The following FAM240C variants were observed in gnomAD, a reference collection of about 807,000 sequenced individuals.
FAM240C encodes protein FAM240C.
In FAM240C, 14 loss-of-function variants were observed where a neutral mutation model predicts 10.0. That is an observed-to-expected ratio of 1.40 (90% confidence interval 0.92 to 2.19). The LOEUF (loss-of-function observed/expected upper bound fraction) is 2.19, where lower values mean the gene tolerates loss of function less well. Ranked by LOEUF, FAM240C falls within the 30% of genes most tolerant of loss-of-function variation. The pLI is 0.00. For missense variants in FAM240C, 154 were observed against 122.3 expected, an observed-to-expected ratio of 1.26 and a Z score of -1.22; for synonymous variants, 49 against 44.3, an observed-to-expected ratio of 1.11 and a Z score of -0.42.
At chr2:241,899,425 C>A in intron 1 of FAM240C, 1 of 801,730 alleles carries the variant, frequency 1.2e-6, no homozygotes, top group Non-Finnish European at 1.5e-6. Flanking sequence ...AGGACGCTGG[C>A]GCGAATTCAG....
At chr2:241,901,786 C>G (rs1448872823), upstream of FAM240C, among the ~76,000 whole-genome samples, 3 of 152,226 alleles carry the variant, frequency 2.0e-5, no homozygotes, top group Non-Finnish European at 4.4e-5. This position sits in a 1 kb window ranked among gnomAD's most constrained non-coding sequence, Gnocchi z 4.9. Context: ...AGAGGCGTCT[C>G]CAGCAGGACT....
chr2:241,901,582 C>T (rs1701984697), upstream of FAM240C, among the ~76,000 whole-genome samples: 1 of 152,144 alleles, frequency 6.6e-6, no homozygotes, highest in Non-Finnish European at 1.5e-5. This position sits in a 1 kb window ranked among gnomAD's most constrained non-coding sequence, Gnocchi z 4.9. Context: ...ATCTGTGGCT[C>T]CCTGCGAACT....
At chr2:241,900,518 G>T (rs780160293), upstream of FAM240C, 93 of 637,714 alleles carry the variant, frequency 1.5e-4, no homozygotes, top group Middle Eastern at 1.2e-3. The surrounding 1 kb of genome is among the most constrained non-coding windows in gnomAD (Gnocchi z 4.5). Flanking sequence ...AGAAAGACGC[G>T]CTGCCCTCTG....
intron 2 of FAM240C, among the ~76,000 whole-genome samples, chr2:241,896,500 GAAGGGGGTGTGGGT>G (rs1701809326): frequency 7.7e-5 from 1 of 12,904 alleles, no homozygotes; most frequent in Non-Finnish European, 2.3e-4. Flanking sequence ...GGGTGTGGGT[GAAGGGGGTGTGGGT>G]GTTGGGGTGT....
At chr2:241,897,381 C>T (rs1191161326) in intron 1 of FAM240C, 47 bp from the exon 2 acceptor site, 12 of 1,534,524 alleles carry the variant, frequency 7.8e-6, no homozygotes, top group East Asian at 4.9e-5. Context: ...TATGCCATTC[C>T]CATTGACGAG....
chr2:241,897,517 A>C (rs936135262), intron 1 of FAM240C, among the ~76,000 whole-genome samples, 183 bp from the exon 2 acceptor site: 1 of 152,042 alleles, frequency 6.6e-6, no homozygotes, highest in African/African-American at 2.4e-5. Flanking sequence ...GTGGCTCCTG[A>C]CCGGCTCCTA....
rs1701732080 is a variant in FAM240C, at chr2:241,894,269, C to G, written c.232G>C (p.Asp78His). ...KMLQGPGRCP[D>H]RVPEATESLH... ...GACTCAGTGGCCTCCGGGACCCTGT[C>G]TGGGCATCTCCCTGGGCCCTGCAGC... Residue 78 changes from aspartate to histidine, a missense_variant, in exon 3 of 3, where the codon GAC becomes CAC. Transcript: ENST00000404031. 1.9e-6 allele frequency: 3 copies of G among 1,550,026 alleles called. No individual in the cohort carries two copies. The highest frequency in any genetic ancestry group is 2.4e-5 in the South Asian group (2 of 84,054).
intron 1 of FAM240C, among the ~76,000 whole-genome samples, chr2:241,898,631 C>T (rs1008306425): frequency 1.3e-5 from 2 of 152,160 alleles, no homozygotes; most frequent in Non-Finnish European, 2.9e-5. Context: ...TTCTGGAGCC[C>T]TCCTCCCGAT....
At chr2:241,897,146 A>C (rs1298803553) in intron 2 of FAM240C, 40 bp downstream of exon 2, 2 of 1,540,420 alleles carry the variant, frequency 1.3e-6, no homozygotes, top group Non-Finnish European at 1.8e-6. Flanking sequence ...AGCGTGGCTC[A>C]GGCATAGGGG....
chr2:241,894,409 C>G (rs1462689209), intron 2 of FAM240C, 70 bp from the exon 3 acceptor site: 7 of 1,482,428 alleles, frequency 4.7e-6, no homozygotes, highest in Admixed American at 2.0e-5. Context: ...AAGCCCGTGT[C>G]TCTCAGCACC....
upstream of FAM240C, among the ~76,000 whole-genome samples, chr2:241,901,692 G>T (rs1199896191): frequency 6.6e-6 from 1 of 152,198 alleles, no homozygotes; most frequent in East Asian, 1.9e-4. This position sits in a 1 kb window ranked among gnomAD's most constrained non-coding sequence, Gnocchi z 4.9. Context: ...ACGCCGGTGA[G>T]AACCAGCAGC....
chr2:241,896,946 G>T (rs1170830000), intron 2 of FAM240C, among the ~76,000 whole-genome samples: 3 of 151,820 alleles, frequency 2.0e-5, no homozygotes, highest in African/African-American at 7.3e-5. Context: ...TGGTCTCACG[G>T]TTAGCAACGT....
At chr2:241,895,154 C>G (rs1701763983) in intron 2 of FAM240C, among the ~76,000 whole-genome samples, 1 of 152,218 alleles carries the variant, frequency 6.6e-6, no homozygotes, top group South Asian at 2.1e-4. Flanking sequence ...GGCAGTGTAC[C>G]CCGGACGGCT....
intron 2 of FAM240C, among the ~76,000 whole-genome samples, chr2:241,894,715 C>G (rs1482979488): frequency 1.3e-5 from 2 of 151,378 alleles, no homozygotes; most frequent in Non-Finnish European, 2.9e-5. Context: ...CTTGCAGCCT[C>G]TGTCTCTGCT....
upstream of FAM240C, among the ~76,000 whole-genome samples, chr2:241,902,045 T>A (rs1055638254): frequency 7.9e-5 from 12 of 152,226 alleles, no homozygotes; most frequent in African/African-American, 2.4e-4. The surrounding 1 kb of genome is among the most constrained non-coding windows in gnomAD (Gnocchi z 7.1). Context: ...TCCCCGTGTT[T>A]CGGAGTTTGT....
In FAM240C at chr2:241,897,239, G is replaced by A. The variant is rs757669825; in HGVS notation, c.108C>T (p.His36=). Residue 36 remains histidine (H), a synonymous_variant, in exon 2 of 3, where the codon CAC becomes CAT. Coordinates refer to ENST00000404031, the MANE Select transcript of FAM240C (RefSeq NM_001382368.1). ...TGTCCTCGTTCTGCAGGTGTCTTGC[G>A]TGATGCTCGATTTTTTTCTCCCAAA... is the stretch of plus-strand genomic sequence containing the variant. ...KMFWEKKIEH[H]ARHLQNEDIR... 6 of 1,549,964 alleles carry A rather than the reference G, an allele frequency of 3.9e-6. No homozygotes were observed. The highest frequency in any genetic ancestry group is 5.2e-6 in the Non-Finnish European group (6 of 1,146,542).
At chr2:241,899,534 G>A (rs940264160) in intron 1 of FAM240C, among the ~76,000 whole-genome samples, 4 of 152,238 alleles carry the variant, frequency 2.6e-5, no homozygotes, top group Non-Finnish European at 5.9e-5. Context: ...CTCCTCTGGT[G>A]TCTGGGCAGA....
chr2:241,900,454 C>T lies in FAM240C; in HGVS notation c.-85G>A, dbSNP rs541785402. ...GGGTGCACGCCTGTATCTCGCCTGC[C>T]GCTCTCTGTTACATGGGCTCAGTGA... On this transcript the variant is annotated 5_prime_UTR_variant, in exon 1 of 3. Transcript: ENST00000404031. This position sits in a 1 kb window ranked among gnomAD's most constrained non-coding sequence, Gnocchi z 4.5. 14 of 708,078 alleles carry T rather than the reference C, an allele frequency of 2.0e-5. No homozygotes were observed. The highest frequency in any genetic ancestry group is 1.1e-4 in the East Asian group (4 of 37,094). 43.9% of individuals were successfully genotyped at this position (708,078 alleles called of 1,614,324 possible).
At chr2:241,895,988 C>T (rs922146716) in intron 2 of FAM240C, among the ~76,000 whole-genome samples, 1 of 151,990 alleles carries the variant, frequency 6.6e-6, no homozygotes, top group Non-Finnish European at 1.5e-5. Flanking sequence ...CCTTCACCAT[C>T]GTCTGCCGAG....
Sources: gnomAD v4.1 joint callset for allele counts (sites outside exome capture counted in the v4.1 genomes callset) on GRCh38, gnomAD v4.1.1 for gene constraint, Gnocchi (gnomAD v3.1) non-coding constraint, MANE v1.5 for transcripts, NCBI Gene and HGNC (gene_info 2026-07-23, HGNC 2026-07-21) for gene names.